Variants in CTSK observed in about 807,000 individuals in gnomAD.
CTSK encodes cathepsin O.
Under a neutral mutation model 40.5 loss-of-function variants are expected in CTSK, and 26 were observed. That is an observed-to-expected ratio of 0.64 (90% CI 0.47 to 0.89). CTSK has a LOEUF of 0.89. CTSK is among the 40% of genes least tolerant of loss of function. The probability of loss-of-function intolerance (pLI) is 0.00; values close to 1 mark genes in which losing one functional copy is unlikely to be tolerated. For missense variants in CTSK, 292 were observed against 400.1 expected, an observed-to-expected ratio of 0.73 and a Z score of 2.30; for synonymous variants, 132 against 143.2, an observed-to-expected ratio of 0.92 and a Z score of 0.56.
chr1:150,806,786 A>G lies in CTSK; in HGVS notation c.20T>C (p.Leu7Pro), dbSNP rs1654101631. The G allele has an allele frequency of 2.5e-6, 4 of 1,613,984 alleles. No homozygotes were observed. Among genetic ancestry groups the G allele is most frequent in the Non-Finnish European group, 3.4e-6 (4 of 1,180,050 alleles). Residue 7 changes from leucine to proline, a missense_variant, in exon 2 of 8, where the codon CTG (leucine) becomes CCG (proline). By Grantham distance (98) the Leu-to-Pro change is moderately conservative. Transcript: ENST00000271651. MWGLKVLLLPVVSFALY... is the reference protein window; with the variant it reads MWGLKVPLLPVVSFALY... ...AGCAAAGCTCACCACAGGTAGCAGC[A>G]GAACCTTGAGCCCCCACATCCTGCA...
Position 150,796,570 on chromosome 1 carries a change from A to G in CTSK, c.*229T>C, listed in dbSNP as rs2101945751. 1 of 622,344 alleles carries G rather than the reference A, an allele frequency of 1.6e-6. No homozygotes were observed. The highest frequency in any genetic ancestry group is 2.8e-5 in the East Asian group (1 of 35,748). 38.6% of individuals were successfully genotyped at this position (622,344 alleles called of 1,614,324 possible). ...GTCACATCTCTTAGCCTAAGAGTAC[A>G]CAGCTGTCAGGGAAAGTCCTGATGG... On this transcript the variant is annotated 3_prime_UTR_variant, in exon 8 of 8. Transcript: ENST00000271651.
chr1:150,801,288 T>C (rs1653983889), intron 5 of CTSK, among the ~76,000 whole-genome samples: 1 of 151,518 alleles, frequency 6.6e-6, no homozygotes, highest in South Asian at 2.1e-4. Flanking sequence ...CTGGCTAATT[T>C]TTGTATTTTT....
At position 150,799,660 on chromosome 1, in the gene CTSK, C is replaced by G. The variant is rs763805411; in HGVS notation, c.668G>C (p.Gly223Ala). Residue 223 changes from glycine to alanine, a missense_variant, in exon 6 of 8, where the codon GGG becomes GCG. Coordinates refer to ENST00000271651, the MANE Select transcript of CTSK (RefSeq NM_000396.4). ...ATTCCCCTCGGGGATCTCTCTGTAC[C>G]CTCTGCATTTAGCTGCCTTGCCTGT... ...NPTGKAAKCR[G>A]YREIPEGNEK... is the part of the protein sequence containing the mutation. 2 of 1,614,012 alleles carry G rather than the reference C, an allele frequency of 1.2e-6. No homozygotes were observed. The highest frequency in any genetic ancestry group is 2.2e-5 in the South Asian group (2 of 91,070).
At chr1:150,807,067 G>GTCTC (rs60084401) in intron 1 of CTSK, among the ~76,000 whole-genome samples, 9 of 128,656 alleles carry the variant, frequency 7.0e-5, no homozygotes, top group African/African-American at 2.6e-4. Context: ...TTCTCTCTCT[G>GTCTC]TCTCTCTCTC....
chr1:150,803,889 G>T, intron 5 of CTSK, 132 bp downstream of exon 5: 1 of 855,684 alleles, frequency 1.2e-6, no homozygotes, highest in Non-Finnish European at 2.0e-6. Flanking sequence ...GGCCTTCTGT[G>T]GGAAATTATT....
Position 150,796,907 on chromosome 1 carries a change from C to G in CTSK, c.891-9G>C. The G allele has an allele frequency of 6.3e-7, 1 of 1,579,212 alleles. No individual in the cohort carries two copies. The highest frequency in any genetic ancestry group is 8.7e-7 in the Non-Finnish European group (1 of 1,148,306). On this transcript the variant is annotated splice_polypyrimidine_tract_variant and intron_variant, in intron 7 of 7. Coordinates refer to ENST00000271651, the MANE Select transcript of CTSK (RefSeq NM_000396.4). Reference sequence around the variant, plus strand: ...CCCAGTTTTCTCCCCAGCTGTAAGACCAATCAAGAAAAATACTTAGTACTC... The same window carrying G: ...CCCAGTTTTCTCCCCAGCTGTAAGAGCAATCAAGAAAAATACTTAGTACTC...
intron 6 of CTSK, 102 bp downstream of exon 6, chr1:150,799,442 G>T: frequency 7.0e-7 from 1 of 1,435,958 alleles, no homozygotes; most frequent in Non-Finnish European, 9.8e-7. Context: ...CCACCTCCAT[G>T]TGAATACAAA....
intron 7 of CTSK, among the ~76,000 whole-genome samples, chr1:150,798,929 C>T (rs752086243): frequency 1.3e-5 from 2 of 152,158 alleles, no homozygotes; most frequent in Non-Finnish European, 2.9e-5. Flanking sequence ...AAACAAACCT[C>T]GTTTCTTTAT....
intron 5 of CTSK, among the ~76,000 whole-genome samples, chr1:150,802,897 C>CA (rs1557825537): frequency 6.6e-6 from 1 of 151,502 alleles, no homozygotes; most frequent in South Asian, 2.1e-4. Context: ...GACCCTATTT[C>CA]AAAAAAATAA....
At chr1:150,798,785 G>A in intron 7 of CTSK, among the ~76,000 whole-genome samples, 1 of 152,068 alleles carries the variant, frequency 6.6e-6, no homozygotes, top group Non-Finnish European at 1.5e-5. Context: ...TAAAGAGTCG[G>A]CACCTCCCTC....
chr1:150,798,782 TCGG>T (rs1201689917), intron 7 of CTSK, among the ~76,000 whole-genome samples: 2 of 152,026 alleles, frequency 1.3e-5, no homozygotes, highest in East Asian at 3.8e-4. Flanking sequence ...CTTTAAAGAG[TCGG>T]CACCTCCCTC....
chr1:150,805,719 A>T, intron 4 of CTSK, 142 bp downstream of exon 4: 1 of 812,798 alleles, frequency 1.2e-6, no homozygotes, highest in Non-Finnish European at 2.1e-6. Context: ...AAATGAGGTT[A>T]AATAACAGAA....
Position 150,799,853 on chromosome 1 carries a change from C to T in CTSK, c.619-144G>A. The T allele has an allele frequency of 4.9e-6, 4 of 824,610 alleles. No homozygotes were observed. In the South Asian group the frequency reaches 5.6e-5, roughly 12 times the overall value. 51.1% of individuals were successfully genotyped at this position (824,610 alleles called of 1,614,324 possible). A position where few individuals can be genotyped will look rare whatever the true frequency, so the allele number is the denominator to read the frequency against. The stretch of plus-strand genomic sequence containing the variant: ...GGTTTCTAGAGAGGGTCTGTTCTTC[C>T]TCAGAAAAACGAATATGAAAAGAGG... On this transcript the variant is annotated intron_variant, in intron 5 of 7. Coordinates refer to ENST00000271651, the MANE Select transcript of CTSK (RefSeq NM_000396.4).
chr1:150,799,275 T>C lies in CTSK; in HGVS notation c.785-2A>G, dbSNP rs777298957. On this transcript the variant is annotated splice_acceptor_variant, in intron 6 of 7. Transcript: ENST00000271651. LOFTEE classifies it high-confidence loss of function. ...TGCAGCTTTCATCATAATACACACC[T>C]AGAATACAAACTACCAGCGTGAGGC... 1 of 1,599,868 alleles carries C rather than the reference T, an allele frequency of 6.3e-7. No individual in the cohort carries two copies. Among genetic ancestry groups the C allele is most frequent in the Non-Finnish European group, 8.6e-7 (1 of 1,166,992 alleles).
At chr1:150,797,380 G>T (rs1396887466) in intron 7 of CTSK, among the ~76,000 whole-genome samples, 1 of 152,202 alleles carries the variant, frequency 6.6e-6, no homozygotes, top group Non-Finnish European at 1.5e-5. Context: ...ATCGTGAGGA[G>T]CCAGTGAGGG....
chr1:150,798,233 G>T (rs1391121422), intron 7 of CTSK, among the ~76,000 whole-genome samples: 2 of 152,056 alleles, frequency 1.3e-5, no homozygotes, highest in Admixed American at 1.3e-4. Flanking sequence ...TCTAAAAAAT[G>T]TTTCTCTTCA....
At position 150,799,188 on chromosome 1, in the gene CTSK, C is replaced by T. The variant is rs2101947603; in HGVS notation, c.870G>A (p.Lys290=). 6.2e-7 allele frequency: 1 copy of T among 1,609,838 alleles called. No homozygotes were observed. Among genetic ancestry groups the T allele is most frequent in the Non-Finnish European group, 8.5e-7 (1 of 1,175,978 alleles). ...ATTACCTGTTTTTAATTATCCAGTG[C>T]TTGTTTCCCTTCTGGATTCCATATC... is the stretch of plus-strand genomic sequence containing the variant. ...AVGYGIQKGN[K]HWIIKNSWGE... Residue 290 remains lysine, a synonymous_variant, in exon 7 of 8, where the codon AAG becomes AAA. Coordinates refer to ENST00000271651, the MANE Select transcript of CTSK (RefSeq NM_000396.4).
chr1:150,801,310 G>C (rs376567182), intron 5 of CTSK, among the ~76,000 whole-genome samples: 1 of 151,736 alleles, frequency 6.6e-6, no homozygotes, highest in East Asian at 1.9e-4. Flanking sequence ...GTAGAGATGG[G>C]GTTTCACCAT....
Position 150,807,067 on chromosome 1 carries a change from GTCTCTC to G in CTSK, c.-1-267_-1-262del, listed in dbSNP as rs60084401. 4.3e-3 allele frequency among the ~76,000 whole-genome samples: 558 copies of G among 128,694 alleles called. 3 individuals are homozygous for G. The highest frequency in any genetic ancestry group is 6.3e-3 in the Non-Finnish European group (382 of 60,772). The allele number at this position is 128,694 out of a possible 152,430, so 84.4% of individuals were successfully genotyped here. ...ACACACTCTCTCTGTTTCTCTCTCT[GTCTCTC>G]TCTCTCTCACACACACACACACACA... On this transcript the variant is annotated intron_variant, in intron 1 of 7. Transcript: ENST00000271651.
Sources: gnomAD v4.1 joint callset for allele counts (sites outside exome capture counted in the v4.1 genomes callset) on GRCh38, gnomAD v4.1.1 for gene constraint, MANE v1.5 for transcripts, NCBI Gene and HGNC (gene_info 2026-07-23, HGNC 2026-07-21) for gene names.